Variants in COL14A1 observed in about 807,000 individuals in gnomAD.
COL14A1 encodes collagen type XIV alpha 1 chain.
COL14A1 carries 136 observed loss-of-function variants against 230.3 expected under a neutral mutation model. The ratio of observed to expected loss-of-function variants is 0.59; its 90% CI spans 0.51 to 0.68. The LOEUF (loss-of-function observed/expected upper bound fraction) is 0.68, where lower values mean the gene tolerates loss of function less well. COL14A1 is among the 30% of genes least tolerant of loss of function. The pLI is 0.00. For missense variants in COL14A1, 1,976 were observed against 2,215.8 expected (o/e 0.89, Z 2.17); for synonymous variants, 792 against 784.1 (o/e 1.01, Z -0.17).
chr8:120,225,247 G>A (rs1237761502), intron 15 of COL14A1, 33 bp downstream of exon 15: 3 of 1,603,692 alleles, frequency 1.9e-6, no homozygotes, highest in Non-Finnish European at 2.6e-6. Context: ...GAAAAGTTTT[G>A]AGAGTAGCTA....
Position 120,278,529 on chromosome 8 carries a change from A to G in COL14A1, c.3432A>G (p.Gly1144=). ...IPKVIVVITD[G]RSQDDVNKIS... ...AGGTTATCGTGGTTATAACTGATGGAAGATCACAAGATGATGTGAACAAAA... is the reference window on the plus strand; with the variant it reads ...AGGTTATCGTGGTTATAACTGATGGGAGATCACAAGATGATGTGAACAAAA... The change falls in exon 28 of 48, where the codon GGA becomes GGG. Residue 1144 remains glycine, a synonymous_variant. Transcript: ENST00000297848. The G allele has an allele frequency of 6.2e-7, 1 of 1,613,170 alleles. No homozygotes were observed. Among genetic ancestry groups the G allele is most frequent in the African/African-American group, 1.3e-5 (1 of 75,006 alleles).
chr8:120,162,642 A>G (rs1815721621), intron 4 of COL14A1, 73 bp downstream of exon 4: 2 of 1,287,014 alleles, frequency 1.6e-6, no homozygotes, highest in African/African-American at 3.0e-5. Context: ...TGTGATATAT[A>G]TTCTACAACT....
chr8:120,182,787 C>A lies in COL14A1; in HGVS notation c.437-14004C>A, dbSNP rs889071940. Among the ~76,000 whole-genome samples the A allele has an allele frequency of 2.2e-5, 3 of 134,688 alleles. No individual in the cohort carries two copies. In the East Asian group the frequency reaches 6.6e-4, roughly 30 times the overall value. The allele number at this position is 134,688 out of a possible 152,430, so 88.4% of individuals were successfully genotyped here. ...TGTAGCCCAAGCTAAAGTGCAATGG[C>A]GTGATCTCAGCTCACTGCAACCTTC... On this transcript the variant is annotated intron_variant, in intron 5 of 47. Transcript: ENST00000297848.
chr8:120,165,277 T>A (rs754045967), intron 4 of COL14A1, among the ~76,000 whole-genome samples: 1 of 152,230 alleles, frequency 6.6e-6, no homozygotes, highest in Non-Finnish European at 1.5e-5. Flanking sequence ...AGGAAAGTGG[T>A]GATCAAGATA....
intron 3 of COL14A1, among the ~76,000 whole-genome samples, chr8:120,159,999 T>C (rs554622083): frequency 4.9e-4 from 75 of 152,248 alleles, no homozygotes; most frequent in Non-Finnish European, 9.1e-4. Flanking sequence ...GCCTGATATA[T>C]CTTTCATTAA....
At chr8:120,188,463 C>CA (rs1294222692) in intron 5 of COL14A1, among the ~76,000 whole-genome samples, 4 of 152,130 alleles carry the variant, frequency 2.6e-5, no homozygotes, top group African/African-American at 9.7e-5. Flanking sequence ...CTTCTCATCA[C>CA]AAAACTCCAG....
intron 43 of COL14A1, 142 bp from the exon 44 acceptor site, chr8:120,342,238 C>G: frequency 1.4e-6 from 1 of 702,392 alleles, no homozygotes; most frequent in East Asian, 2.7e-5. Context: ...CTGCATGCAC[C>G]GTGGTGGTCA....
intron 5 of COL14A1, among the ~76,000 whole-genome samples, chr8:120,180,025 C>A (rs564879369): frequency 6.6e-6 from 1 of 152,246 alleles, no homozygotes; most frequent in Admixed American, 6.5e-5. Flanking sequence ...CCCTTCCTTA[C>A]ACCTTATACA....
Position 120,373,479 on chromosome 8 carries a change from T to G in COL14A1, c.*2248T>G, listed in dbSNP as rs1312555993. Reference sequence around the variant, plus strand: ...AAGCTGATTCTGAAGTGCATTTTTCTTGACTTACTTTGGCAGAAATATACT... The same window carrying G: ...AAGCTGATTCTGAAGTGCATTTTTCGTGACTTACTTTGGCAGAAATATACT... On this transcript the variant is annotated 3_prime_UTR_variant, in exon 48 of 48. Transcript: ENST00000297848. Among the ~76,000 whole-genome samples the G allele has an allele frequency of 2.0e-5, 3 of 152,228 alleles. No homozygotes were observed. The highest frequency in any genetic ancestry group is 4.4e-5 in the Non-Finnish European group (3 of 68,034).
chr8:120,255,798 T>C (rs1360618991), intron 23 of COL14A1, among the ~76,000 whole-genome samples: 3 of 152,030 alleles, frequency 2.0e-5, no homozygotes, highest in African/African-American at 7.2e-5. Flanking sequence ...TTTTTTTCTT[T>C]TGGGGATAAT....
At chr8:120,263,170 A>G (rs1819395634) in intron 24 of COL14A1, among the ~76,000 whole-genome samples, 156 bp downstream of exon 24, 1 of 152,150 alleles carries the variant, frequency 6.6e-6, no homozygotes, top group Non-Finnish European at 1.5e-5. Flanking sequence ...CCCAGAATTC[A>G]TTGCATATGG....
chr8:120,344,755 G>A (rs919791507), intron 44 of COL14A1, among the ~76,000 whole-genome samples: 6 of 152,178 alleles, frequency 3.9e-5, no homozygotes, highest in African/African-American at 1.4e-4. Flanking sequence ...AGACATCATG[G>A]TATCAAGTAC....
Position 120,332,721 on chromosome 8 carries a change from G to T in COL14A1, c.4771G>T (p.Ala1591Ser). The part of the protein sequence containing the change: ...GITGSMGPQG[A>S]LGPPGVPGAK... Reference sequence around the variant, plus strand: ...CACAGGAAGCATGGGACCGCAAGGCGCCCTGGGACCACCTGTGAGTATGCA... The same window carrying T: ...CACAGGAAGCATGGGACCGCAAGGCTCCCTGGGACCACCTGTGAGTATGCA... Residue 1591 changes from alanine to serine, a missense_variant, in exon 42 of 48, where the codon GCC (alanine) becomes TCC (serine). Around this residue, in one of 3 missense-constraint regions of COL14A1, gnomAD observed 1,791 missense variants for 2,019.5 expected, o/e 0.89. Coordinates refer to ENST00000297848, the MANE Select transcript of COL14A1 (RefSeq NM_021110.4). 6.2e-7 allele frequency: 1 copy of T among 1,612,906 alleles called. No homozygotes were observed. Among genetic ancestry groups the T allele is most frequent in the Non-Finnish European group, 8.5e-7 (1 of 1,179,272 alleles).
intron 42 of COL14A1, among the ~76,000 whole-genome samples, chr8:120,334,179 T>C (rs1821972213): frequency 6.6e-6 from 1 of 152,200 alleles, no homozygotes; most frequent in South Asian, 2.1e-4. Flanking sequence ...TTGAAACTCA[T>C]TTTAATAAAA....
intron 1 of COL14A1, among the ~76,000 whole-genome samples, chr8:120,133,318 A>T (rs936904074): frequency 2.0e-5 from 3 of 152,090 alleles, no homozygotes; most frequent in African/African-American, 7.2e-5. Context: ...AAAAAATAAT[A>T]CTGATATCAA....
At chr8:120,272,057 A>G (rs1819682884) in intron 26 of COL14A1, among the ~76,000 whole-genome samples, 1 of 151,590 alleles carries the variant, frequency 6.6e-6, no homozygotes, top group Admixed American at 6.6e-5. Flanking sequence ...TGGCTAAGAA[A>G]ATGTGGGCAC....
rs74885731 is a variant in COL14A1, at chr8:120,212,988, T to C, written c.1597+411T>C. Among the ~76,000 whole-genome samples, 350 of 152,306 alleles carry C rather than the reference T, an allele frequency of 2.3e-3. 3 individuals carry two copies. The highest frequency in any genetic ancestry group is 4.5e-3 in the Non-Finnish European group (303 of 68,018). On this transcript the variant is annotated intron_variant, in intron 13 of 47. Coordinates refer to ENST00000297848, the MANE Select transcript of COL14A1 (RefSeq NM_021110.4). Reference sequence around the variant, plus strand: ...GAACAATAATCTTGCAGCATGTGGTTGGTATAAGATTAAATACAGTAGTAT... The same window carrying C: ...GAACAATAATCTTGCAGCATGTGGTCGGTATAAGATTAAATACAGTAGTAT...
At chr8:120,148,419 C>T (rs1260114653) in intron 2 of COL14A1, among the ~76,000 whole-genome samples, 2 of 152,162 alleles carry the variant, frequency 1.3e-5, no homozygotes, top group African/African-American at 4.8e-5. Flanking sequence ...GTGTGAGCCA[C>T]CATGCCTGGC....
intron 45 of COL14A1, among the ~76,000 whole-genome samples, chr8:120,354,405 A>G (rs1338654555): frequency 3.3e-5 from 5 of 150,874 alleles, no homozygotes; most frequent in South Asian, 2.1e-4. Context: ...AAAAAAAAAA[A>G]AAAAGAAAAA....
Sources: gnomAD v4.1 joint callset for allele counts (sites outside exome capture counted in the v4.1 genomes callset) on GRCh38, gnomAD v4.1.1 for gene constraint, gnomAD v4.1.1 regional missense constraint, MANE v1.5 for transcripts, NCBI Gene and HGNC (gene_info 2026-07-23, HGNC 2026-07-21) for gene names.